SGSM1: variants seen among roughly 807,000 people sequenced by gnomAD.
SGSM1 encodes the protein RUN and TBC1 domain containing 2.
In SGSM1, 73 loss-of-function variants were observed where a neutral mutation model predicts 133.8. The ratio of observed to expected loss-of-function variants is 0.55; its 90% CI spans 0.45 to 0.66. SGSM1 has a LOEUF of 0.66. Among genes scored for constraint, SGSM1 ranks in the 30% least tolerant of loss-of-function variants. The pLI, the probability that SGSM1 is intolerant of heterozygous loss-of-function variation, is 0.00. For synonymous variants in SGSM1, 563 were observed against 573.0 expected (o/e 0.98, Z 0.25); for missense variants, 1,213 against 1,448.1 (o/e 0.84, Z 2.64).
At chr22:24,832,118 G>C (rs1929154851) in intron 2 of SGSM1, among the ~76,000 whole-genome samples, 1 of 152,216 alleles carries the variant, frequency 6.6e-6, no homozygotes, top group Non-Finnish European at 1.5e-5. Flanking sequence ...TTGGAGATTT[G>C]ATGAGTTAGT....
At chr22:24,810,721 T>G (rs9608340) in intron 2 of SGSM1, among the ~76,000 whole-genome samples, 140,758 of 152,164 alleles carry the variant, frequency 0.93, 65,255 homozygotes, top group African/African-American at 0.98. Context: ...GGTCCTGGAG[T>G]GGAAGCTACA....
chr22:24,821,256 C>T (rs1023484550), intron 2 of SGSM1, among the ~76,000 whole-genome samples: 2 of 152,286 alleles, frequency 1.3e-5, no homozygotes, highest in South Asian at 2.1e-4. Flanking sequence ...AGGCTGGTCT[C>T]GAAATCCTGA....
At chr22:24,821,525 C>T (rs1928469575) in intron 2 of SGSM1, among the ~76,000 whole-genome samples, 1 of 152,166 alleles carries the variant, frequency 6.6e-6, no homozygotes, top group African/African-American at 2.4e-5. Flanking sequence ...GAATGTCCCC[C>T]TGGGGAGGTG....
At chr22:24,907,063 C>A (rs972946122) in intron 21 of SGSM1, among the ~76,000 whole-genome samples, 3 of 151,978 alleles carry the variant, frequency 2.0e-5, no homozygotes, top group Admixed American at 6.6e-5. Context: ...AGTCCGAGAC[C>A]AGCCTGGCCA....
intron 22 of SGSM1, among the ~76,000 whole-genome samples, chr22:24,915,469 C>G (rs1167624940): frequency 6.6e-6 from 1 of 152,204 alleles, no homozygotes; most frequent in African/African-American, 2.4e-5. Context: ...ACCATCCTCA[C>G]TTGATATTGT....
intron 2 of SGSM1, among the ~76,000 whole-genome samples, chr22:24,820,157 C>G (rs1350383914): frequency 6.6e-6 from 1 of 152,122 alleles, no homozygotes; most frequent in Non-Finnish European, 1.5e-5. Context: ...CTTCACAGCT[C>G]CATCCTCTCC....
chr22:24,825,679 C>G (rs1466812564), intron 2 of SGSM1, among the ~76,000 whole-genome samples: 1 of 152,242 alleles, frequency 6.6e-6, no homozygotes, highest in African/African-American at 2.4e-5. Context: ...ATCCACCCGC[C>G]TCAGCCTCCC....
chr22:24,815,617 C>T lies in SGSM1; in HGVS notation c.63+9133C>T, dbSNP rs560208052. ...AAAATTAGCCGGGCGTGGTGGCGGGCGCCTGTAGTCCCAGCTACTCAGGAG... is the reference window on the plus strand; with the variant it reads ...AAAATTAGCCGGGCGTGGTGGCGGGTGCCTGTAGTCCCAGCTACTCAGGAG... On this transcript the variant is annotated intron_variant, in intron 2 of 24. Coordinates refer to ENST00000400358, the MANE Select transcript of SGSM1 (RefSeq NM_001098497.3). 7.5e-4 allele frequency among the ~76,000 whole-genome samples: 114 copies of T among 152,210 alleles called. 1 individual carries two copies. Among genetic ancestry groups the T allele is most frequent in the African/African-American group, 2.7e-3 (112 of 41,524 alleles).
chr22:24,832,998 G>A (rs1030442484), intron 2 of SGSM1, among the ~76,000 whole-genome samples: 7 of 151,484 alleles, frequency 4.6e-5, no homozygotes, highest in Non-Finnish European at 8.8e-5. Context: ...ACAGTGGCGC[G>A]ATCTTGGCTC....
intron 18 of SGSM1, among the ~76,000 whole-genome samples, chr22:24,897,046 T>C (rs140965922): frequency 0.011 from 1,660 of 152,072 alleles, 17 homozygotes; most frequent in Non-Finnish European, 0.018. Flanking sequence ...TGAAAAGTTA[T>C]TGTCTCCCCT....
At chr22:24,872,484 C>T (rs559844879) in intron 12 of SGSM1, among the ~76,000 whole-genome samples, 1 of 150,550 alleles carries the variant, frequency 6.6e-6, no homozygotes, top group South Asian at 2.1e-4. Context: ...GATTTTGAGA[C>T]TTTGTTAAAA....
chr22:24,876,940 G>C (rs1281618737), intron 13 of SGSM1, among the ~76,000 whole-genome samples: 5 of 152,174 alleles, frequency 3.3e-5, no homozygotes, highest in Admixed American at 2.6e-4. Context: ...AACCTCAGTG[G>C]CTTTTTTACA....
rs1005956938 is a variant in SGSM1 at position 24,859,770 on chromosome 22, G to A, written c.856G>A (p.Val286Ile). 2.5e-6 allele frequency: 4 copies of A among 1,614,000 alleles called. No homozygotes were observed. Among genetic ancestry groups the A allele is most frequent in the South Asian group, 1.1e-5 (1 of 91,086 alleles). Residue 286 changes from valine (V) to isoleucine (I), a missense_variant, in exon 9 of 25, where the codon GTC (valine) becomes ATC (isoleucine). Coordinates refer to ENST00000400358, the MANE Select transcript of SGSM1 (RefSeq NM_001098497.3). ...CCTGTCCCTGCACCAGACGGCTGACGTCATGACCTTGAAGTGGACACCCAA... is the reference window on the plus strand; with the variant it reads ...CCTGTCCCTGCACCAGACGGCTGACATCATGACCTTGAAGTGGACACCCAA... ...GYLSLHQTAD[V>I]MTLKWTPNQL...
At chr22:24,917,926 C>T (rs967016223) in intron 23 of SGSM1, among the ~76,000 whole-genome samples, 172 bp downstream of exon 23, 4 of 152,152 alleles carry the variant, frequency 2.6e-5, no homozygotes, top group Non-Finnish European at 2.9e-5. Context: ...TGCACTGACA[C>T]TCTGTAGTAG....
Position 24,819,719 on chromosome 22 carries a change from G to A in SGSM1, c.63+13235G>A, listed in dbSNP as rs187022293. Among the ~76,000 whole-genome samples the A allele has an allele frequency of 4.6e-5, 7 of 152,302 alleles. No individual in the cohort carries two copies. In the East Asian group the frequency reaches 7.7e-4, roughly 17 times the overall value. On this transcript the variant is annotated intron_variant, in intron 2 of 24. Transcript: ENST00000400358. The stretch of plus-strand genomic sequence containing the variant: ...GTGACTTGCCCAAGGTCACACAGCT[G>A]GTAAGAGATGGAGACAGGATTTGAA...
chr22:24,908,811 AAAAG>A (rs1197331945), intron 21 of SGSM1, among the ~76,000 whole-genome samples: 11 of 152,002 alleles, frequency 7.2e-5, no homozygotes, highest in Middle Eastern at 3.4e-3. Flanking sequence ...CAAAAAAAAA[AAAAG>A]AAAGAAAGAC....
At chr22:24,905,276 G>C in intron 21 of SGSM1, 89 bp downstream of exon 21, 2 of 1,314,022 alleles carry the variant, frequency 1.5e-6, no homozygotes, top group Non-Finnish European at 2.2e-6. Context: ...TGACTCTGTA[G>C]AATGTGGCTC....
intron 8 of SGSM1, among the ~76,000 whole-genome samples, chr22:24,857,057 T>C (rs1254541720): frequency 6.6e-6 from 1 of 151,750 alleles, no homozygotes; most frequent in East Asian, 2.0e-4. Context: ...CGTGAGCCAC[T>C]GCACCCAGCT....
At chr22:24,905,702 T>C (rs558135456) in intron 21 of SGSM1, among the ~76,000 whole-genome samples, 92 of 148,562 alleles carry the variant, frequency 6.2e-4, no homozygotes, top group Non-Finnish European at 2.1e-4. Context: ...GGCAGGAGAA[T>C]GGCGTGAACC....
Sources: allele counts gnomAD v4.1 joint callset (sites outside exome capture counted in the v4.1 genomes callset), GRCh38; gene constraint gnomAD v4.1.1; transcripts MANE v1.5; gene names NCBI Gene and HGNC (gene_info 2026-07-23, HGNC 2026-07-21).